EPHB6: variants seen among roughly 807,000 people sequenced by gnomAD.
The protein encoded by EPHB6 is EPH receptor B6.
Under a neutral mutation model 107.0 loss-of-function variants are expected in EPHB6, and 51 were observed. That is an observed-to-expected ratio of 0.48 (90% CI 0.38 to 0.60). The LOEUF is 0.60. Ranked by LOEUF, EPHB6 falls within the 20% of genes least tolerant of loss-of-function variation. The pLI is 0.00. For synonymous variants in EPHB6, 553 were observed against 549.0 expected (o/e 1.01, Z -0.10); for missense variants, 1,141 against 1,355.5 (o/e 0.84, Z 2.48).
In EPHB6 at chr7:142,866,903, C is replaced by T. The variant is rs1432116892; in HGVS notation, c.1588-3C>T. On this transcript the variant is annotated splice_polypyrimidine_tract_variant and splice_region_variant and intron_variant, in intron 10 of 19. Coordinates refer to ENST00000652003, the MANE Select transcript of EPHB6 (RefSeq NM_004445.6). This position sits in a 1 kb window ranked among gnomAD's most constrained non-coding sequence, Gnocchi z 5.2. ...GCAGGGAGTGAGTGGCTGTTACCCC[C>T]AGGCAGAAGACGAATCCCACTCCTT... is the stretch of plus-strand genomic sequence containing the variant. 1.2e-6 allele frequency: 2 copies of T among 1,614,016 alleles called. No homozygotes were observed. Among genetic ancestry groups the T allele is most frequent in the Admixed American group, 1.7e-5 (1 of 60,024 alleles).
Position 142,867,145 on chromosome 7 carries a change from C to T in EPHB6, c.1750+77C>T, listed in dbSNP as rs1236514631. On this transcript the variant is annotated intron_variant, in intron 11 of 19. Transcript: ENST00000652003. The surrounding 1 kb of genome is among the most constrained non-coding windows in gnomAD (Gnocchi z 5.3). Reference sequence around the variant, plus strand: ...GAGGAGAGGCCCAGGGACTGTCCGGCCTTGAACCCTGGCCCCGTGCTTCCC... The same window carrying T: ...GAGGAGAGGCCCAGGGACTGTCCGGTCTTGAACCCTGGCCCCGTGCTTCCC... 3.9e-6 allele frequency: 6 copies of T among 1,535,772 alleles called. No homozygotes were observed. The highest frequency in any genetic ancestry group is 5.3e-6 in the Non-Finnish European group (6 of 1,138,640).
rs747410220 is a variant in EPHB6 at position 142,863,690 on chromosome 7, G to T, written c.160G>T (p.Gly54Trp). The change falls in exon 6 of 20, where the codon GGG becomes TGG. Residue 54 changes from glycine (G) to tryptophan (W), a missense_variant. Physicochemically the swap from Gly to Trp is radical, Grantham distance 184. This residue lies in a region of EPHB6 where 221 missense variants were observed against 300.5 expected (regional missense o/e 0.74). Transcript: ENST00000652003. ...GATTGGCTGGCTCACCTACCCACCAGGGGGGGTGAGTGCCACTCTAATTCT... is the reference window on the plus strand; with the variant it reads ...GATTGGCTGGCTCACCTACCCACCATGGGGGGTGAGTGCCACTCTAATTCT... ...SEIGWLTYPPGGWDEVSVLDD... is the reference protein window; with the variant it reads ...SEIGWLTYPPWGWDEVSVLDD... The T allele has an allele frequency of 4.3e-6, 7 of 1,612,168 alleles. No homozygotes were observed. The highest frequency in any genetic ancestry group is 4.5e-5 in the East Asian group (2 of 44,864).
intron 19 of EPHB6, 30 bp from the exon 20 acceptor site, chr7:142,870,766 C>A (rs1248585614): frequency 6.2e-7 from 1 of 1,614,098 alleles, no homozygotes; most frequent in Admixed American, 1.7e-5. Context: ...GAGAAGCTGG[C>A]CCAGATTTGA....
At chr7:142,859,842 T>G (rs1352095142) in intron 1 of EPHB6, among the ~76,000 whole-genome samples, 2 of 152,222 alleles carry the variant, frequency 1.3e-5, no homozygotes, top group Non-Finnish European at 2.9e-5. Flanking sequence ...CTTTATGCTG[T>G]TTCTTGATGG....
chr7:142,863,819 G>T, intron 6 of EPHB6, 124 bp downstream of exon 6: 2 of 1,480,910 alleles, frequency 1.4e-6, no homozygotes, highest in Non-Finnish European at 1.9e-6. Context: ...TCCCTCTAGA[G>T]CACCAAGATT....
chr7:142,867,554 C>G lies in EPHB6; in HGVS notation c.1751-54C>G. ...GTGTGTGGGTGCCTGGGCACATGAA[C>G]AAGCACCTGTGAGAGACCTGGCCCA... On this transcript the variant is annotated intron_variant, in intron 11 of 19. Transcript: ENST00000652003. This position sits in a 1 kb window ranked among gnomAD's most constrained non-coding sequence, Gnocchi z 5.3. The G allele has an allele frequency of 6.7e-7, 1 of 1,496,152 alleles. No homozygotes were observed. Among genetic ancestry groups the G allele is most frequent in the African/African-American group, 1.4e-5 (1 of 72,844 alleles). 92.7% of individuals were successfully genotyped at this position (1,496,152 alleles called of 1,614,324 possible).
Position 142,863,211 on chromosome 7 carries a change from C to T in EPHB6, c.-17C>T, listed in dbSNP as rs536363064. 57 of 1,611,938 alleles carry T rather than the reference C, an allele frequency of 3.5e-5. No individual in the cohort carries two copies. The highest frequency in any genetic ancestry group is 2.3e-4 in the South Asian group (21 of 91,040). On this transcript the variant is annotated 5_prime_UTR_variant, in exon 5 of 20. It adds an upstream start codon to the 5' untranslated region. Transcript: ENST00000652003. Reference sequence around the variant, plus strand: ...GGGTGGTGGCTGGGGCGATGGTGGACGCCCTGAAGATGTCCCATGGCTACT... The same window carrying T: ...GGGTGGTGGCTGGGGCGATGGTGGATGCCCTGAAGATGTCCCATGGCTACT...
Position 142,869,674 on chromosome 7 carries a change from A to G in EPHB6, c.2461-143A>G, listed in dbSNP as rs959804736. 6.3e-6 allele frequency: 6 copies of G among 945,960 alleles called. No individual in the cohort carries two copies. The East Asian group carries it at 7.9e-5, about 12-fold the overall frequency. The allele number at this position is 945,960 out of a possible 1,614,324, so 58.6% of individuals were successfully genotyped here. On this transcript the variant is annotated intron_variant, in intron 16 of 19. Coordinates refer to ENST00000652003, the MANE Select transcript of EPHB6 (RefSeq NM_004445.6). This position sits in a 1 kb window ranked among gnomAD's most constrained non-coding sequence, Gnocchi z 4.5. ...TCTGCTTCTGTGAAATGGAGATGAT[A>G]TCATCCACCTTAGAGGGTTGTTATG... is the stretch of plus-strand genomic sequence containing the variant.
intron 6 of EPHB6, 50 bp from the exon 7 acceptor site, chr7:142,863,916 G>T (rs370710505): frequency 6.2e-7 from 1 of 1,612,868 alleles, no homozygotes; most frequent in Admixed American, 1.7e-5. Context: ...CCTCTACCTC[G>T]CCGTGCTTAA....
Position 142,864,078 on chromosome 7 carries a change from A to G in EPHB6, c.278A>G (p.His93Arg). The change falls in exon 7 of 20, where the codon CAC becomes CGC. Residue 93 changes from histidine to arginine, a missense_variant. By Grantham distance (29) the His-to-Arg change is conservative. This residue lies in a region of EPHB6 where 221 missense variants were observed against 300.5 expected (regional missense o/e 0.74). Transcript: ENST00000652003. ...GTGQDNWLQTHFVERRGAQRA... is the reference protein window; with the variant it reads ...GTGQDNWLQTRFVERRGAQRA... ...GGGCAGGACAATTGGTTGCAGACACACTTTGTGGAGCGGCGCGGGGCCCAG... is the reference window on the plus strand; with the variant it reads ...GGGCAGGACAATTGGTTGCAGACACGCTTTGTGGAGCGGCGCGGGGCCCAG... The G allele has an allele frequency of 6.2e-7, 1 of 1,613,986 alleles. No individual in the cohort carries two copies. Among genetic ancestry groups the G allele is most frequent in the South Asian group, 1.1e-5 (1 of 91,076 alleles).
chr7:142,858,230 G>A (rs1443440764), intron 1 of EPHB6, among the ~76,000 whole-genome samples: 2 of 151,820 alleles, frequency 1.3e-5, no homozygotes, highest in Non-Finnish European at 2.9e-5. Flanking sequence ...TATGTCTTCT[G>A]CCTACCTTCC....
intron 3 of EPHB6, 109 bp downstream of exon 3, chr7:142,862,242 C>T (rs1802875572): frequency 6.6e-6 from 1 of 152,164 alleles, no homozygotes; most frequent in South Asian, 2.1e-4. Context: ...TCTTCTAATA[C>T]CATCATCTTG....
Position 142,870,406 on chromosome 7 carries a change from A to G in EPHB6, c.2803A>G (p.Arg935Gly). The G allele has an allele frequency of 2.5e-6, 4 of 1,614,036 alleles. No homozygotes were observed. Among genetic ancestry groups the G allele is most frequent in the Non-Finnish European group, 3.4e-6 (4 of 1,179,990 alleles). The change falls in exon 18 of 20, where the codon AGG (arginine) becomes GGG (glycine). Residue 935 changes from arginine to glycine, a missense_variant and splice_region_variant. Physicochemically the swap from Arg to Gly is moderately radical, Grantham distance 125 (BLOSUM62 -2). Coordinates refer to ENST00000652003, the MANE Select transcript of EPHB6 (RefSeq NM_004445.6). ...GCAGGCTGGCGGGGACCCAGGGGAA[A>G]GGTCTGGAGCTTGGGGCTAGAGCCT... is the stretch of plus-strand genomic sequence containing the variant. ...TLQAGGDPGE[R>G]PSQALLTPVA...
intron 1 of EPHB6, among the ~76,000 whole-genome samples, chr7:142,858,549 C>T (rs1229110635): frequency 2.0e-5 from 3 of 146,866 alleles, no homozygotes; most frequent in African/African-American, 5.0e-5. Context: ...CATTCTCCTG[C>T]CTCAGCCTCC....
chr7:142,862,948 A>T, intron 4 of EPHB6, 115 bp downstream of exon 4: 1 of 509,366 alleles, frequency 2.0e-6, no homozygotes, highest in South Asian at 2.8e-5. Flanking sequence ...AGATGGTCAA[A>T]TGTGCACCGG....
rs1684847868 is a variant in EPHB6 at position 142,867,931 on chromosome 7, G to T, written c.1866-66G>T. 2 of 1,547,344 alleles carry T rather than the reference G, an allele frequency of 1.3e-6. No individual in the cohort carries two copies. Among genetic ancestry groups the T allele is most frequent in the South Asian group, 1.2e-5 (1 of 84,002 alleles). On this transcript the variant is annotated intron_variant, in intron 12 of 19. Coordinates refer to ENST00000652003, the MANE Select transcript of EPHB6 (RefSeq NM_004445.6). This position sits in a 1 kb window ranked among gnomAD's most constrained non-coding sequence, Gnocchi z 5.3. ...GACCGACTAAAGAGCAGTCTGGAGG[G>T]TGACAAGGGGGCAGCAAGGGGGTGG...
chr7:142,858,593 G>A (rs1371292070), intron 1 of EPHB6, among the ~76,000 whole-genome samples: 3 of 131,738 alleles, frequency 2.3e-5, no homozygotes, highest in Non-Finnish European at 3.2e-5. Context: ...ACGCCACCAC[G>A]CCCAGCTAAT....
chr7:142,865,444 G>A, intron 7 of EPHB6, 31 bp from the exon 8 acceptor site: 1 of 1,611,972 alleles, frequency 6.2e-7, no homozygotes, highest in Non-Finnish European at 8.5e-7. Context: ...CAGAGCGAGT[G>A]TGACGCCCCC....
Position 142,855,697 on chromosome 7 carries a change from G to T in EPHB6, c.-432+312G>T, listed in dbSNP as rs1802571606. On this transcript the variant is annotated intron_variant, in intron 1 of 19. Coordinates refer to ENST00000652003, the MANE Select transcript of EPHB6 (RefSeq NM_004445.6). The surrounding 1 kb of genome is among the most constrained non-coding windows in gnomAD (Gnocchi z 4.2). ...CTGGCTTGGGAGTCCTAATCTGGGA[G>T]GGTCCTCGCAGAGACGGAGCTCCAC... is the stretch of plus-strand genomic sequence containing the variant. Among the ~76,000 whole-genome samples, 1 of 152,182 alleles carries T rather than the reference G, an allele frequency of 6.6e-6. No individual in the cohort carries two copies. Among genetic ancestry groups the T allele is most frequent in the South Asian group, 2.1e-4 (1 of 4,832 alleles).
Sources: gnomAD v4.1 joint callset for allele counts (sites outside exome capture counted in the v4.1 genomes callset) on GRCh38, gnomAD v4.1.1 for gene constraint, gnomAD v4.1.1 regional missense constraint, Gnocchi (gnomAD v3.1) non-coding constraint, MANE v1.5 for transcripts, NCBI Gene and HGNC (gene_info 2026-07-23, HGNC 2026-07-21) for gene names.